HSPB9: variants seen among roughly 807,000 people sequenced by gnomAD.
HSPB9 encodes heat shock protein family B (small) member 9.
For missense variants in HSPB9, 203 were observed against 213.4 expected (o/e 0.95, Z 0.30); for synonymous variants, 98 against 92.7 (o/e 1.06, Z -0.33).
Position 42,122,995 on chromosome 17 carries a change from C to T in HSPB9, c.145C>T (p.His49Tyr). ...TCCAGCGGCTCAGGAGGACAATGAC[C>T]ATGCCAGAGACGGTTTCCAAATGAA... ...DSPAAQEDNDHARDGFQMKLD... is the reference protein window; with the variant it reads ...DSPAAQEDNDYARDGFQMKLD... Residue 49 changes from histidine (H) to tyrosine (Y), a missense_variant, in exon 1 of 1, where the codon CAT (histidine) becomes TAT (tyrosine). Physicochemically the swap from His to Tyr is moderately conservative, Grantham distance 83. Transcript: ENST00000565659. The T allele has an allele frequency of 1.9e-6, 3 of 1,614,188 alleles. No individual in the cohort carries two copies. The highest frequency in any genetic ancestry group is 2.5e-6 in the Non-Finnish European group (3 of 1,180,030).
Position 42,122,821 on chromosome 17 carries a change from C to A in HSPB9, c.-30C>A, listed in dbSNP as rs781882081. The A allele has an allele frequency of 2.5e-6, 4 of 1,589,276 alleles. No individual in the cohort carries two copies. The highest frequency in any genetic ancestry group is 3.4e-5 in the Admixed American group (2 of 59,072). The stretch of plus-strand genomic sequence containing the variant: ...CTAGCTCTGCGCTGGGAGCCTCGCG[C>A]CCTTTGACAGCAGTTAGTTGCTGAC... On this transcript the variant is annotated 5_prime_UTR_variant, in exon 1 of 1. Transcript: ENST00000565659.
Position 42,123,045 on chromosome 17 carries a change from G to T in HSPB9, c.195G>T (p.Pro65=). ...QMKLDAHGFA[P]EELVVQVDGQ... ...AGCTGGATGCCCACGGCTTCGCCCC[G>T]GAGGAACTGGTGGTGCAGGTGGATG... Residue 65 remains proline (P), a synonymous_variant, in exon 1 of 1, where the codon CCG becomes CCT. Transcript: ENST00000565659. 2 of 1,614,234 alleles carry T rather than the reference G, an allele frequency of 1.2e-6. No individual in the cohort carries two copies. Among genetic ancestry groups the T allele is most frequent in the Non-Finnish European group, 1.7e-6 (2 of 1,180,026 alleles).
chr17:42,123,088 A>C lies in HSPB9; in HGVS notation c.238A>C (p.Thr80Pro). The change falls in exon 1 of 1, where the codon ACC becomes CCC. Residue 80 changes from threonine to proline, a missense_variant. Transcript: ENST00000565659. Reference protein sequence around the residue: ...VQVDGQWLMVTGQQQLDVRDP... With the variant: ...VQVDGQWLMVPGQQQLDVRDP... Reference sequence around the variant, plus strand: ...GGTGGATGGCCAATGGCTGATGGTGACCGGACAGCAGCAACTGGACGTCAG... The same window carrying C: ...GGTGGATGGCCAATGGCTGATGGTGCCCGGACAGCAGCAACTGGACGTCAG... 1 of 1,614,196 alleles carries C rather than the reference A, an allele frequency of 6.2e-7. No homozygotes were observed. The highest frequency in any genetic ancestry group is 1.3e-5 in the African/African-American group (1 of 75,028).
rs375700150 is a variant in HSPB9 at position 42,123,044 on chromosome 17, C to T, written c.194C>T (p.Pro65Leu). ...QMKLDAHGFA[P>L]EELVVQVDGQ... The stretch of plus-strand genomic sequence containing the variant: ...AAGCTGGATGCCCACGGCTTCGCCC[C>T]GGAGGAACTGGTGGTGCAGGTGGAT... Residue 65 changes from proline (P) to leucine (L), a missense_variant, in exon 1 of 1, where the codon CCG becomes CTG. Transcript: ENST00000565659. 1.3e-5 allele frequency: 21 copies of T among 1,614,098 alleles called. No individual in the cohort carries two copies. The highest frequency in any genetic ancestry group is 1.8e-5 in the Non-Finnish European group (21 of 1,180,048).
At position 42,123,281 on chromosome 17, in the gene HSPB9, C is replaced by T; in HGVS notation, c.431C>T (p.Ser144Phe). 3 of 1,611,394 alleles carry T rather than the reference C, an allele frequency of 1.9e-6. No homozygotes were observed. Among genetic ancestry groups the T allele is most frequent in the Non-Finnish European group, 1.7e-6 (2 of 1,179,804 alleles). Reference protein sequence around the residue: ...LALPEAQTGPSPRLGSLGSKA... With the variant: ...LALPEAQTGPFPRLGSLGSKA... ...CTCCCTGAAGCCCAAACAGGACCGT[C>T]CCCGAGACTCGGGAGCCTCGGCTCT... The change falls in exon 1 of 1, where the codon TCC (serine) becomes TTC (phenylalanine). Residue 144 changes from serine to phenylalanine, a missense_variant. Transcript: ENST00000565659.
At position 42,123,016 on chromosome 17, in the gene HSPB9, A is replaced by G; in HGVS notation, c.166A>G (p.Met56Val). 1 of 1,614,204 alleles carries G rather than the reference A, an allele frequency of 6.2e-7. No homozygotes were observed. Among genetic ancestry groups the G allele is most frequent in the Non-Finnish European group, 8.5e-7 (1 of 1,180,036 alleles). Reference sequence around the variant, plus strand: ...TGACCATGCCAGAGACGGTTTCCAAATGAAGCTGGATGCCCACGGCTTCGC... The same window carrying G: ...TGACCATGCCAGAGACGGTTTCCAAGTGAAGCTGGATGCCCACGGCTTCGC... ...DNDHARDGFQ[M>V]KLDAHGFAPE... Residue 56 changes from methionine to valine, a missense_variant, in exon 1 of 1, where the codon ATG becomes GTG. Coordinates refer to ENST00000565659, the MANE Select transcript of HSPB9 (RefSeq NM_033194.3).
At chr17:42,123,321 GA>G in the HSPB9 span, 1 of 1,603,122 alleles carries the variant, frequency 6.2e-7, no homozygotes, top group Non-Finnish European at 8.5e-7. Flanking sequence ...CTTCCAACCT[GA>G]CCCGGTAAAC....
chr17:42,122,926 C>T lies in HSPB9; in HGVS notation c.76C>T (p.Arg26Trp). The change falls in exon 1 of 1, where the codon CGG becomes TGG. Residue 26 changes from arginine to tryptophan, a missense_variant. Arg to Trp is a moderately radical substitution (Grantham distance 101). Transcript: ENST00000565659. ...GTGTCCCAGCGTGGGCCTTGCTGAA[C>T]GGAACCGGGTGGCCACAATGCCGGT... ...SRCPSVGLAE[R>W]NRVATMPVRL... The T allele has an allele frequency of 1.2e-6, 2 of 1,614,046 alleles. No individual in the cohort carries two copies. The highest frequency in any genetic ancestry group is 1.7e-6 in the Non-Finnish European group (2 of 1,180,044).
Position 42,123,057 on chromosome 17 carries a change from G to C in HSPB9, c.207G>C (p.Val69=), listed in dbSNP as rs782608913. 6 of 1,614,232 alleles carry C rather than the reference G, an allele frequency of 3.7e-6. No individual in the cohort carries two copies. Among genetic ancestry groups the C allele is most frequent in the Non-Finnish European group, 5.1e-6 (6 of 1,180,042 alleles). The part of the protein sequence containing the change: ...DAHGFAPEEL[V]VQVDGQWLMV... ...ACGGCTTCGCCCCGGAGGAACTGGT[G>C]GTGCAGGTGGATGGCCAATGGCTGA... The change falls in exon 1 of 1, where the codon GTG becomes GTC. Residue 69 remains valine (V), a synonymous_variant. Transcript: ENST00000565659.
At position 42,123,326 on chromosome 17, in the gene HSPB9, G is replaced by T. The variant is rs1555668056; in HGVS notation, c.476G>T (p.Arg159Leu). ...GGCTCTAAGGCTTCCAACCTGACCCGGTAAACAAACGACGCGATGTGCAGC... is the reference window on the plus strand; with the variant it reads ...GGCTCTAAGGCTTCCAACCTGACCCTGTAAACAAACGACGCGATGTGCAGC... ...SLGSKASNLT[R>L] Residue 159 changes from arginine to leucine, a missense_variant, in exon 1 of 1, where the codon CGG becomes CTG. Arg to Leu is a moderately radical substitution (Grantham distance 102, BLOSUM62 -2). Coordinates refer to ENST00000565659, the MANE Select transcript of HSPB9 (RefSeq NM_033194.3). The T allele has an allele frequency of 6.2e-7, 1 of 1,600,888 alleles. No individual in the cohort carries two copies. The highest frequency in any genetic ancestry group is 1.7e-5 in the Admixed American group (1 of 59,872).
At position 42,123,300 on chromosome 17, in the gene HSPB9, C is replaced by T. The variant is rs376177238; in HGVS notation, c.450C>T (p.Leu150=). 2 of 1,609,346 alleles carry T rather than the reference C, an allele frequency of 1.2e-6. No individual in the cohort carries two copies. Among genetic ancestry groups the T allele is most frequent in the Non-Finnish European group, 1.7e-6 (2 of 1,179,554 alleles). ...GACCGTCCCCGAGACTCGGGAGCCT[C>T]GGCTCTAAGGCTTCCAACCTGACCC... ...QTGPSPRLGS[L]GSKASNLTR is the part of the protein sequence containing the mutation. The change falls in exon 1 of 1, where the codon CTC becomes CTT. Residue 150 remains leucine, a synonymous_variant. Transcript: ENST00000565659.
rs1293557345 is a variant in HSPB9, at chr17:42,123,120, G to A, written c.270G>A (p.Pro90=). 3 of 1,614,142 alleles carry A rather than the reference G, an allele frequency of 1.9e-6. No homozygotes were observed. The highest frequency in any genetic ancestry group is 1.7e-5 in the Admixed American group (1 of 60,022). ...AGCAGCAACTGGACGTCAGGGACCC[G>A]GAAAGGGTCAGTTACCGCATGTCAC... ...TGQQQLDVRD[P]ERVSYRMSQK... Residue 90 remains proline, a synonymous_variant, in exon 1 of 1, where the codon CCG becomes CCA. Coordinates refer to ENST00000565659, the MANE Select transcript of HSPB9 (RefSeq NM_033194.3).
chr17:42,122,849 G>A lies in HSPB9; in HGVS notation c.-2G>A. ...TTTGACAGCAGTTAGTTGCTGACTC[G>A]GATGCAGAGAGTCGGTAACACCTTC... On this transcript the variant is annotated 5_prime_UTR_variant, in exon 1 of 1. Transcript: ENST00000565659. 1 of 1,603,960 alleles carries A rather than the reference G, an allele frequency of 6.2e-7. No homozygotes were observed. Among genetic ancestry groups the A allele is most frequent in the Non-Finnish European group, 8.5e-7 (1 of 1,173,088 alleles).
Position 42,123,320 on chromosome 17 carries a change from T to C in HSPB9, c.470T>C (p.Leu157Pro). The C allele has an allele frequency of 6.2e-7, 1 of 1,603,316 alleles. No homozygotes were observed. Among genetic ancestry groups the C allele is most frequent in the Non-Finnish European group, 8.5e-7 (1 of 1,176,302 alleles). ...AGCCTCGGCTCTAAGGCTTCCAACC[T>C]GACCCGGTAAACAAACGACGCGATG... ...LGSLGSKASN[L>P]TR Residue 157 changes from leucine (L) to proline (P), a missense_variant, in exon 1 of 1, where the codon CTG becomes CCG. Physicochemically the swap from Leu to Pro is moderately conservative, Grantham distance 98. Transcript: ENST00000565659.
rs1555667903 is a variant in HSPB9, at chr17:42,123,015, A to G, written c.165A>G (p.Gln55=). ...ATGACCATGCCAGAGACGGTTTCCA[A>G]ATGAAGCTGGATGCCCACGGCTTCG... The part of the protein sequence containing the change: ...EDNDHARDGF[Q]MKLDAHGFAP... The change falls in exon 1 of 1, where the codon CAA becomes CAG. Residue 55 remains glutamine (Q), a synonymous_variant. Transcript: ENST00000565659. 2 of 1,614,112 alleles carry G rather than the reference A, an allele frequency of 1.2e-6. No individual in the cohort carries two copies. The highest frequency in any genetic ancestry group is 2.2e-5 in the East Asian group (1 of 44,898).
chr17:42,123,246 G>T lies in HSPB9; in HGVS notation c.396G>T (p.Val132=), dbSNP rs145137603. 6.2e-7 allele frequency: 1 copy of T among 1,613,266 alleles called. No individual in the cohort carries two copies. The highest frequency in any genetic ancestry group is 1.1e-5 in the South Asian group (1 of 91,080). The part of the protein sequence containing the change: ...SGQLWVRGQC[V]ALALPEAQTG... ...AGCTGTGGGTCAGAGGCCAGTGTGT[G>T]GCGCTGGCCCTCCCTGAAGCCCAAA... The change falls in exon 1 of 1, where the codon GTG becomes GTT. Residue 132 remains valine (V), a synonymous_variant. Transcript: ENST00000565659.
chr17:42,122,901 G>A lies in HSPB9; in HGVS notation c.51G>A (p.Arg17=), dbSNP rs782711266. The change falls in exon 1 of 1, where the codon CGG becomes CGA. Residue 17 remains arginine, a synonymous_variant. Coordinates refer to ENST00000565659, the MANE Select transcript of HSPB9 (RefSeq NM_033194.3). The part of the protein sequence containing the change: ...TFSNESRVAS[R]CPSVGLAERN... ...CCAACGAGAGCCGGGTGGCATCCCG[G>A]TGTCCCAGCGTGGGCCTTGCTGAAC... is the stretch of plus-strand genomic sequence containing the variant. 3.7e-6 allele frequency: 6 copies of A among 1,613,416 alleles called. No individual in the cohort carries two copies. The highest frequency in any genetic ancestry group is 5.1e-6 in the Non-Finnish European group (6 of 1,179,680).
Position 42,122,912 on chromosome 17 carries a change from T to C in HSPB9, c.62T>C (p.Val21Ala). 6 of 1,613,968 alleles carry C rather than the reference T, an allele frequency of 3.7e-6. No individual in the cohort carries two copies. Among genetic ancestry groups the C allele is most frequent in the Non-Finnish European group, 5.1e-6 (6 of 1,180,004 alleles). Residue 21 changes from valine to alanine, a missense_variant, in exon 1 of 1, where the codon GTG becomes GCG. Transcript: ENST00000565659. The stretch of plus-strand genomic sequence containing the variant: ...CGGGTGGCATCCCGGTGTCCCAGCG[T>C]GGGCCTTGCTGAACGGAACCGGGTG... The part of the protein sequence containing the change: ...ESRVASRCPS[V>A]GLAERNRVAT...
chr17:42,123,169 C>T lies in HSPB9; in HGVS notation c.319C>T (p.Pro107Ser). The change falls in exon 1 of 1, where the codon CCG becomes TCG. Residue 107 changes from proline to serine, a missense_variant. Coordinates refer to ENST00000565659, the MANE Select transcript of HSPB9 (RefSeq NM_033194.3). Reference protein sequence around the residue: ...MSQKVHRKMLPSNLSPTAMTC... With the variant: ...MSQKVHRKMLSSNLSPTAMTC... Reference sequence around the variant, plus strand: ...ACAGAAGGTGCACCGGAAAATGCTCCCGTCCAACCTGAGTCCTACCGCCAT... The same window carrying T: ...ACAGAAGGTGCACCGGAAAATGCTCTCGTCCAACCTGAGTCCTACCGCCAT... 6.2e-7 allele frequency: 1 copy of T among 1,614,132 alleles called. No individual in the cohort carries two copies. Among genetic ancestry groups the T allele is most frequent in the Non-Finnish European group, 8.5e-7 (1 of 1,180,028 alleles).
Sources: gnomAD v4.1 joint callset for allele counts on GRCh38, gnomAD v4.1.1 for gene constraint, MANE v1.5 for transcripts, NCBI Gene and HGNC (gene_info 2026-07-23, HGNC 2026-07-21) for gene names.